MGAT4C: variants seen among roughly 807,000 people sequenced by gnomAD.
MGAT4C encodes MGAT4 family member C.
Under a neutral mutation model 40.1 loss-of-function variants are expected in MGAT4C, and 19 were observed. That is an observed-to-expected ratio of 0.47 (90% CI 0.33 to 0.70). The LOEUF (loss-of-function observed/expected upper bound fraction) is 0.70, where lower values mean the gene tolerates loss of function less well. Among genes scored for constraint, MGAT4C ranks in the 30% least tolerant of loss-of-function variants. The pLI, the probability that MGAT4C is intolerant of heterozygous loss-of-function variation, is 0.02. For synonymous variants in MGAT4C, 181 were observed against 187.1 expected (o/e 0.97, Z 0.27); for missense variants, 491 against 563.2 (o/e 0.87, Z 1.30).
At chr12:86,030,814 A>G (rs1004296641) in intron 2 of MGAT4C, among the ~76,000 whole-genome samples, 5 of 151,830 alleles carry the variant, frequency 3.3e-5, no homozygotes, top group African/African-American at 1.2e-4. Flanking sequence ...CTTTATGCAG[A>G]AGAAAAATTC....
At chr12:86,190,384 AGT>A (rs1253250403) in intron 1 of MGAT4C, among the ~76,000 whole-genome samples, 1 of 152,144 alleles carries the variant, frequency 6.6e-6, no homozygotes, top group African/African-American at 2.4e-5. Context: ...GCATAATTAA[AGT>A]GTGTTTCTCC....
At chr12:86,353,186 C>A (rs1333169143) in intron 3 of MGAT4C, among the ~76,000 whole-genome samples, 1 of 151,970 alleles carries the variant, frequency 6.6e-6, no homozygotes, top group Non-Finnish European at 1.5e-5. Flanking sequence ...CAATGCTTAT[C>A]TCCTCTACAG....
intron 4 of MGAT4C, among the ~76,000 whole-genome samples, chr12:86,269,232 G>A (rs1336203842): frequency 6.6e-6 from 1 of 150,662 alleles, no homozygotes; most frequent in Non-Finnish European, 1.5e-5. Flanking sequence ...CTGCTTAAGT[G>A]TTTTATATCA....
intron 3 of MGAT4C, among the ~76,000 whole-genome samples, chr12:86,420,020 TA>T (rs1166369253): frequency 3.0e-5 from 4 of 134,262 alleles, no homozygotes; most frequent in South Asian, 5.0e-4. Context: ...ATTTTTTTTT[TA>T]AAAGTTAACC....
At chr12:86,806,516 T>TAC (rs1952357636) in intron 1 of MGAT4C, among the ~76,000 whole-genome samples, 1 of 151,870 alleles carries the variant, frequency 6.6e-6, no homozygotes, top group Non-Finnish European at 1.5e-5. Flanking sequence ...AGTTCATATA[T>TAC]ACACTACTAC....
chr12:86,684,539 A>G (rs1950037741), intron 2 of MGAT4C, among the ~76,000 whole-genome samples: 1 of 152,206 alleles, frequency 6.6e-6, no homozygotes, highest in Non-Finnish European at 1.5e-5. Flanking sequence ...TCCCTTGGGT[A>G]TATACCCAGT....
chr12:86,066,160 A>ATAGAT (rs1237006264), intron 1 of MGAT4C, among the ~76,000 whole-genome samples: 14 of 152,214 alleles, frequency 9.2e-5, no homozygotes, highest in Non-Finnish European at 1.6e-4. Flanking sequence ...ATTCAATGCT[A>ATAGAT]TCCCCATCAA....
At chr12:86,603,043 T>C (rs1303809994) in intron 2 of MGAT4C, among the ~76,000 whole-genome samples, 2 of 151,576 alleles carry the variant, frequency 1.3e-5, no homozygotes, top group Non-Finnish European at 2.9e-5. Flanking sequence ...ATGTCACTTA[T>C]TGGAGGAATC....
rs574421037 is a variant in MGAT4C at position 86,819,984 on chromosome 12, A to G, written c.-262+18682T>C. Among the ~76,000 whole-genome samples the G allele has an allele frequency of 2.0e-5, 3 of 150,910 alleles. No individual in the cohort carries two copies. The East Asian group carries it at 5.8e-4, about 29-fold the overall frequency. On this transcript the variant is annotated intron_variant, in intron 1 of 7. Coordinates refer to the MGAT4C transcript ENST00000548651. ...TATTTAAGCATGATCCTTTGTTGTG[A>G]AGATTAGGCTATAATGGGATAATTT...
At chr12:86,220,619 A>G (rs1593270098) in intron 1 of MGAT4C, among the ~76,000 whole-genome samples, 1 of 152,110 alleles carries the variant, frequency 6.6e-6, no homozygotes, top group African/African-American at 2.4e-5. Flanking sequence ...GCATCCTACC[A>G]TCTGTTTTGC....
intron 4 of MGAT4C, among the ~76,000 whole-genome samples, chr12:86,301,342 A>G (rs537889251): frequency 6.6e-6 from 1 of 152,268 alleles, no homozygotes; most frequent in African/African-American, 2.4e-5. Flanking sequence ...ACTCTTGAGT[A>G]TAATAAATAA....
At chr12:86,061,158 C>T (rs1893922601) in intron 1 of MGAT4C, among the ~76,000 whole-genome samples, 1 of 152,144 alleles carries the variant, frequency 6.6e-6, no homozygotes, top group African/African-American at 2.4e-5. Flanking sequence ...AACTGAGGTA[C>T]CTGGTTCATC....
intron 2 of MGAT4C, chr12:86,016,568 G>A (rs1312702887): frequency 6.6e-6 from 1 of 152,148 alleles, no homozygotes; most frequent in African/African-American, 2.4e-5. Flanking sequence ...AGAATTGAGT[G>A]GTAGCAGTCC....
At chr12:86,686,668 C>T (rs1310750734) in intron 2 of MGAT4C, among the ~76,000 whole-genome samples, 1 of 152,186 alleles carries the variant, frequency 6.6e-6, no homozygotes, top group African/African-American at 2.4e-5. Context: ...ACCAGCCTTG[C>T]ATCCCAGGGA....
intron 1 of MGAT4C, among the ~76,000 whole-genome samples, chr12:86,114,671 T>A (rs1592978088): frequency 6.6e-6 from 1 of 152,020 alleles, no homozygotes; most frequent in Middle Eastern, 3.4e-3. Context: ...AATGCAGAAA[T>A]AGTTTCAGAG....
At chr12:86,141,624 T>G (rs1026642768) in intron 1 of MGAT4C, among the ~76,000 whole-genome samples, 1 of 152,162 alleles carries the variant, frequency 6.6e-6, no homozygotes, top group African/African-American at 2.4e-5. Flanking sequence ...TTTGTAATCT[T>G]TTCTTGGAAT....
chr12:86,030,264 C>T (rs1890622285), intron 2 of MGAT4C, among the ~76,000 whole-genome samples: 1 of 151,634 alleles, frequency 6.6e-6, no homozygotes, highest in Non-Finnish European at 1.5e-5. Flanking sequence ...TTTATGTGAA[C>T]AATTTGTATG....
chr12:86,165,319 CCA>C (rs750418093), intron 1 of MGAT4C, among the ~76,000 whole-genome samples: 1 of 152,064 alleles, frequency 6.6e-6, no homozygotes, highest in South Asian at 2.1e-4. Flanking sequence ...ATTAAACATT[CCA>C]CACACACATA....
intron 2 of MGAT4C, among the ~76,000 whole-genome samples, chr12:86,024,205 T>A (rs1890047120): frequency 6.6e-6 from 1 of 151,898 alleles, no homozygotes. Flanking sequence ...TTCTACTCTG[T>A]ATATGCGTAA....
Sources: allele counts gnomAD v4.1 joint callset (sites outside exome capture counted in the v4.1 genomes callset), GRCh38; gene constraint gnomAD v4.1.1; transcripts MANE v1.5; gene names NCBI Gene and HGNC (gene_info 2026-07-23, HGNC 2026-07-21).